SHPRH: variants seen among roughly 807,000 people sequenced by gnomAD.
SHPRH encodes SNF2 histone linker PHD RING helicase.
Under a neutral mutation model 202.5 loss-of-function variants are expected in SHPRH, and 106 were observed. The ratio of observed to expected loss-of-function variants is 0.52; its 90% CI spans 0.45 to 0.62. SHPRH has a LOEUF of 0.62. SHPRH is among the 20% of genes least tolerant of loss of function. The pLI is 0.00. For missense variants in SHPRH, 1,710 were observed against 2,020.0 expected (o/e 0.85, Z 2.94); for synonymous variants, 729 against 686.0 (o/e 1.06, Z -0.98).
chr6:145,948,092 T>C (rs1251894962), intron 5 of SHPRH, among the ~76,000 whole-genome samples, 180 bp downstream of exon 5: 1 of 152,060 alleles, frequency 6.6e-6, no homozygotes, highest in Admixed American at 6.6e-5. Context: ...ATTCATTTAC[T>C]GAAAAATGAC....
At chr6:145,867,599 AATATATAT>A (rs374395571) in intron 2 of SHPRH, among the ~76,000 whole-genome samples, 477 of 21,562 alleles carry the variant, frequency 0.022, 6 homozygotes, top group South Asian at 0.062. Context: ...TTCAAAAAAG[AATATATAT>A]ATATATATAT....
chr6:145,862,461 C>CAAA (rs386408854), downstream of SHPRH, among the ~76,000 whole-genome samples: 107 of 150,486 alleles, frequency 7.1e-4, no homozygotes, highest in Middle Eastern at 3.4e-3. Flanking sequence ...ACAACAACAA[C>CAAA]AAAAAACAAA....
chr6:145,862,449 A>AAAAACAACAAC (rs1562265365), downstream of SHPRH, among the ~76,000 whole-genome samples: 2 of 151,350 alleles, frequency 1.3e-5, no homozygotes, highest in African/African-American at 2.4e-5. Flanking sequence ...AAAAAAACAA[A>AAAAACAACAAC]AACAACAACA....
At chr6:145,961,176 A>G (rs1206338213) in intron 1 of SHPRH, among the ~76,000 whole-genome samples, 1 of 152,090 alleles carries the variant, frequency 6.6e-6, no homozygotes, top group Non-Finnish European at 1.5e-5. Flanking sequence ...ACAATAACCA[A>G]ACTGTAATGT....
At chr6:145,953,654 T>G (rs892839942) in intron 2 of SHPRH, among the ~76,000 whole-genome samples, 3 of 152,146 alleles carry the variant, frequency 2.0e-5, no homozygotes, top group Non-Finnish European at 4.4e-5. Context: ...GAAATTAACA[T>G]TTTAAATTTT....
intron 23 of SHPRH, among the ~76,000 whole-genome samples, chr6:145,916,210 A>T (rs1783936735): frequency 6.6e-6 from 1 of 152,032 alleles, no homozygotes; most frequent in African/African-American, 2.4e-5. Flanking sequence ...AGTTCATCTT[A>T]TGTTGTCCAG....
chr6:145,953,143 A>G (rs971431969), intron 2 of SHPRH, among the ~76,000 whole-genome samples: 1 of 152,222 alleles, frequency 6.6e-6, no homozygotes, highest in East Asian at 1.9e-4. Flanking sequence ...TAGACACTCA[A>G]TAAATGTTAA....
At chr6:145,946,742 C>A (rs1368520755) in intron 6 of SHPRH, among the ~76,000 whole-genome samples, 1 of 149,842 alleles carries the variant, frequency 6.7e-6, no homozygotes. Context: ...ACAAAAAAAA[C>A]ATTTTTTTTT....
intron 2 of SHPRH, among the ~76,000 whole-genome samples, chr6:145,869,545 G>C (rs768322209): frequency 6.6e-5 from 10 of 152,132 alleles, no homozygotes; most frequent in Non-Finnish European, 1.5e-4. Context: ...TTTGTGTGTG[G>C]ATGTCCATTT....
At chr6:145,882,098 A>T (rs1780621473), downstream of SHPRH, among the ~76,000 whole-genome samples, 1 of 152,158 alleles carries the variant, frequency 6.6e-6, no homozygotes. Flanking sequence ...TCTCAAAAAA[A>T]AAAAAAAGGT....
chr6:145,955,116 ATC>A lies in SHPRH; in HGVS notation c.205_206del (p.Asp69Ter), dbSNP rs1562375365. ...TCACCACTTTTGAACACCTCTTCTT[ATC>A]TCTGTGAGCCACTTCTTCCTTTAGA... is the stretch of plus-strand genomic sequence containing the variant. ...DSLKEEVAHRDKKRCSKVVSF... is the reference protein window; with the variant it reads ...DSLKEEVAHRXKKRCSKVVSF... On this transcript the variant is annotated frameshift_variant, in exon 2 of 30. Transcript: ENST00000275233. LOFTEE classifies it high-confidence loss of function. 6.2e-7 allele frequency: 1 copy of A among 1,613,634 alleles called. No homozygotes were observed. Among genetic ancestry groups the A allele is most frequent in the Admixed American group, 1.7e-5 (1 of 59,996 alleles).
chr6:145,927,891 T>C (rs1785031044), intron 14 of SHPRH, among the ~76,000 whole-genome samples: 1 of 151,956 alleles, frequency 6.6e-6, no homozygotes. Context: ...TTTCTACTGT[T>C]CATAATCAGC....
At chr6:145,955,600 G>A (rs1788427273) in intron 1 of SHPRH, among the ~76,000 whole-genome samples, 1 of 152,040 alleles carries the variant, frequency 6.6e-6, no homozygotes, top group Non-Finnish European at 1.5e-5. Flanking sequence ...AAGGCAATTT[G>A]TTGTATAAAA....
chr6:145,912,033 T>C (rs1353921815), intron 24 of SHPRH, among the ~76,000 whole-genome samples: 1 of 151,772 alleles, frequency 6.6e-6, no homozygotes, highest in Non-Finnish European at 1.5e-5. Context: ...TCACTAGAGC[T>C]CAAAATGGAC....
chr6:145,924,867 T>C, intron 16 of SHPRH, 21 bp from the exon 17 acceptor site: 1 of 1,584,218 alleles, frequency 6.3e-7, no homozygotes, highest in Non-Finnish European at 8.7e-7. Flanking sequence ...ACAGAGAATA[T>C]AAACTTTCAC....
rs1780887740 is a variant in SHPRH, at chr6:145,885,120, C to T, written c.*1571G>A. ...GCTCCACTGTTTACTTGCTACATGT[C>T]CTAAGAAAGTTTCAATATATCTGAA... On this transcript the variant is annotated 3_prime_UTR_variant, in exon 30 of 30. Transcript: ENST00000275233. 1 of 152,034 alleles carries T rather than the reference C, an allele frequency of 6.6e-6. No individual in the cohort carries two copies. The allele number at this position is 152,034 out of a possible 1,614,324, so 9.4% of individuals were successfully genotyped here.
At chr6:145,899,361 C>A (rs1002241641) in intron 25 of SHPRH, among the ~76,000 whole-genome samples, 3 of 151,994 alleles carry the variant, frequency 2.0e-5, no homozygotes, top group African/African-American at 7.2e-5. Context: ...ACCAATGGAA[C>A]AGGAGAGAGC....
At position 145,941,928 on chromosome 6, in the gene SHPRH, G is replaced by T. The variant is rs540504982; in HGVS notation, c.2239-54C>A. ...TGCAAAAAGGCTCACTAAAGGCAAT[G>T]AAATATTCACTCATTTATACCCTTA... On this transcript the variant is annotated intron_variant, in intron 9 of 29. Transcript: ENST00000275233. 1.8e-5 allele frequency: 29 copies of T among 1,586,282 alleles called. No individual in the cohort carries two copies. The African/African-American group carries it at 3.5e-4, about 19-fold the overall frequency.
intron 1 of SHPRH, among the ~76,000 whole-genome samples, chr6:145,959,263 G>A (rs1788832667): frequency 6.6e-6 from 1 of 152,164 alleles, no homozygotes; most frequent in Non-Finnish European, 1.5e-5. Context: ...AACCTTCAGT[G>A]TTATAAGCTG....
Sources: gnomAD v4.1 joint callset for allele counts (sites outside exome capture counted in the v4.1 genomes callset) on GRCh38, gnomAD v4.1.1 for gene constraint, MANE v1.5 for transcripts, NCBI Gene and HGNC (gene_info 2026-07-23, HGNC 2026-07-21) for gene names.